The following SLIT3 variants were observed in gnomAD, a reference collection of about 807,000 sequenced individuals.
SLIT3 encodes slit guidance ligand 3, also known as slit homolog 3 protein.
Under a neutral mutation model 184.0 loss-of-function variants are expected in SLIT3, and 68 were observed. The observed-to-expected ratio is 0.37, with a 90% CI of 0.30 to 0.45. The LOEUF (loss-of-function observed/expected upper bound fraction) is 0.45, where lower values mean the gene tolerates loss of function less well. Ranked by LOEUF, SLIT3 falls within the 20% of genes least tolerant of loss-of-function variation. The pLI is 1.00. For missense variants in SLIT3, 1,707 were observed against 2,026.0 expected (o/e 0.84, Z 3.02); for synonymous variants, 831 against 828.6 (o/e 1.00, Z -0.05).
intron 1 of SLIT3, among the ~76,000 whole-genome samples, chr5:169,277,897 C>G (rs1025224051): frequency 6.6e-6 from 1 of 152,204 alleles, no homozygotes; most frequent in African/African-American, 2.4e-5. Context: ...GTTCCAATTT[C>G]CAATTACACT....
At chr5:168,855,868 G>C (rs2113736448) in intron 5 of SLIT3, among the ~76,000 whole-genome samples, 1 of 152,212 alleles carries the variant, frequency 6.6e-6, no homozygotes, top group African/African-American at 2.4e-5. Context: ...GTGATTTTTG[G>C]GAGGCCAAGG....
chr5:168,881,830 C>T (rs537450268), intron 5 of SLIT3, among the ~76,000 whole-genome samples: 17 of 152,252 alleles, frequency 1.1e-4, no homozygotes, highest in Admixed American at 7.8e-4. Context: ...CTGTTTCTTG[C>T]GAGAAGCCTA....
intron 28 of SLIT3, among the ~76,000 whole-genome samples, chr5:168,692,984 G>A (rs112977674): frequency 0.012 from 1,869 of 152,288 alleles, 40 homozygotes; most frequent in African/African-American, 0.043. Flanking sequence ...TCAGGGGCAG[G>A]GGCAGGTGCA....
At chr5:169,048,849 G>T (rs1581350296) in intron 4 of SLIT3, among the ~76,000 whole-genome samples, 2 of 152,146 alleles carry the variant, frequency 1.3e-5, no homozygotes, top group African/African-American at 4.8e-5. Context: ...TGGTTCAGCT[G>T]CTTGGAAAAA....
At chr5:168,870,856 G>A (rs552804099) in intron 5 of SLIT3, among the ~76,000 whole-genome samples, 3 of 152,272 alleles carry the variant, frequency 2.0e-5, no homozygotes, top group African/African-American at 7.2e-5. Flanking sequence ...AGAATACAAG[G>A]TGAAATTCAC....
chr5:169,027,076 G>A (rs1756857967), intron 4 of SLIT3, among the ~76,000 whole-genome samples: 1 of 152,176 alleles, frequency 6.6e-6, no homozygotes, highest in South Asian at 2.1e-4. Context: ...TAGGATGGTG[G>A]TTGAGTAAAA....
At chr5:168,954,142 T>C (rs1278292200) in intron 4 of SLIT3, among the ~76,000 whole-genome samples, 1 of 152,132 alleles carries the variant, frequency 6.6e-6, no homozygotes, top group Non-Finnish European at 1.5e-5. Context: ...GGGGGCAGAA[T>C]GCTTTGGCAC....
Position 168,868,475 on chromosome 5 carries a change from C to T in SLIT3, c.485+14790G>A, listed in dbSNP as rs973717571. Among the ~76,000 whole-genome samples the T allele has an allele frequency of 4.6e-5, 7 of 152,024 alleles. No individual in the cohort carries two copies. The South Asian group carries it at 8.3e-4, about 18-fold the overall frequency. On this transcript the variant is annotated intron_variant, in intron 5 of 35. Coordinates refer to ENST00000519560, the MANE Select transcript of SLIT3 (RefSeq NM_003062.4). Reference sequence around the variant, plus strand: ...CGTTAAAAATTATGGCTTGGCCGGGCGCAGCGGCTCACGCCTGTAATTTCA... The same window carrying T: ...CGTTAAAAATTATGGCTTGGCCGGGTGCAGCGGCTCACGCCTGTAATTTCA...
chr5:169,081,712 C>G (rs1759067688), intron 4 of SLIT3, among the ~76,000 whole-genome samples: 1 of 152,174 alleles, frequency 6.6e-6, no homozygotes, highest in Non-Finnish European at 1.5e-5. Flanking sequence ...GGCAGCAATT[C>G]ACAATGGCAG....
Position 168,666,480 on chromosome 5 carries a change from C to G in SLIT3, c.4546G>C (p.Glu1516Gln), listed in dbSNP as rs768138718. Residue 1516 changes from glutamate to glutamine, a missense_variant, in exon 36 of 36, where the codon GAG becomes CAG. Around this residue, in one of 3 missense-constraint regions of SLIT3, gnomAD observed 387 missense variants for 477.9 expected, o/e 0.81. Coordinates refer to ENST00000519560, the MANE Select transcript of SLIT3 (RefSeq NM_003062.4). ...SFVEEVERHL[E>Q]CGCLACS ...TAGGAACACGCGAGGCAGCCGCACT[C>G]TAAGTGTCTCTCCACCTCTTCTACA... 1 of 1,593,684 alleles carries G rather than the reference C, an allele frequency of 6.3e-7. No individual in the cohort carries two copies. The highest frequency in any genetic ancestry group is 8.6e-7 in the Non-Finnish European group (1 of 1,168,004).
chr5:169,090,803 G>A lies in SLIT3; in HGVS notation c.413+102676C>T, dbSNP rs369489803. 3.3e-4 allele frequency among the ~76,000 whole-genome samples: 50 copies of A among 152,304 alleles called. 1 individual carries two copies. In the East Asian group the frequency reaches 3.7e-3, roughly 11 times the overall value. On this transcript the variant is annotated intron_variant, in intron 4 of 35. Coordinates refer to ENST00000519560, the MANE Select transcript of SLIT3 (RefSeq NM_003062.4). The stretch of plus-strand genomic sequence containing the variant: ...GCAGCTGCTAGAAGCTGGAGGAGAC[G>A]GGGAACAAATTCTCTGCTAGAGCCT...
intron 4 of SLIT3, among the ~76,000 whole-genome samples, chr5:169,101,110 G>T (rs1213622817): frequency 6.6e-6 from 1 of 152,208 alleles, no homozygotes; most frequent in East Asian, 1.9e-4. Context: ...GGAGGCTGAA[G>T]TTAGTGTTTC....
At chr5:168,714,419 C>G (rs368162136) in intron 23 of SLIT3, among the ~76,000 whole-genome samples, 2 of 152,144 alleles carry the variant, frequency 1.3e-5, no homozygotes, top group Admixed American at 6.6e-5. Context: ...CCATTCTCTA[C>G]TAAAAATACA....
intron 5 of SLIT3, chr5:168,844,978 T>A (rs148056491): frequency 3.1e-6 from 1 of 324,822 alleles, no homozygotes; most frequent in East Asian, 5.4e-5. Context: ...GCTCTTACCG[T>A]CATGTCACTG....
At chr5:168,917,230 G>A (rs568720973) in intron 4 of SLIT3, among the ~76,000 whole-genome samples, 9 of 152,352 alleles carry the variant, frequency 5.9e-5, no homozygotes, top group Middle Eastern at 3.4e-3. Flanking sequence ...AAGTGGAGGT[G>A]AGCTTTGGTT....
chr5:168,881,830 C>A (rs537450268), intron 5 of SLIT3, among the ~76,000 whole-genome samples: 1 of 152,134 alleles, frequency 6.6e-6, no homozygotes, highest in East Asian at 1.9e-4. Context: ...CTGTTTCTTG[C>A]GAGAAGCCTA....
At chr5:168,771,461 T>A (rs1581063497) in intron 14 of SLIT3, among the ~76,000 whole-genome samples, 1 of 152,122 alleles carries the variant, frequency 6.6e-6, no homozygotes, top group Admixed American at 6.5e-5. Context: ...GAACTTGGAG[T>A]GCCCCTTCAC....
At chr5:168,830,552 A>G (rs1457999937) in intron 6 of SLIT3, among the ~76,000 whole-genome samples, 1 of 152,218 alleles carries the variant, frequency 6.6e-6, no homozygotes, top group East Asian at 1.9e-4. Context: ...CTTCCAGTAA[A>G]GGTATCTATG....
Position 169,125,366 on chromosome 5 carries a change from C to A in SLIT3, c.413+68113G>T, listed in dbSNP as rs1042613015. Among the ~76,000 whole-genome samples the A allele has an allele frequency of 2.0e-4, 31 of 152,300 alleles. 1 individual carries two copies. Among genetic ancestry groups the A allele is most frequent in the Middle Eastern group, 3.4e-3 (1 of 294 alleles). On this transcript the variant is annotated intron_variant, in intron 4 of 35. Coordinates refer to ENST00000519560, the MANE Select transcript of SLIT3 (RefSeq NM_003062.4). ...CCGGCCGCAATTAGGTTTCTTAATT[C>A]CTGTCTTAGCCACCTGCATGCCATG...
Sources: gnomAD v4.1 joint callset for allele counts (sites outside exome capture counted in the v4.1 genomes callset) on GRCh38, gnomAD v4.1.1 for gene constraint, gnomAD v4.1.1 regional missense constraint, MANE v1.5 for transcripts, NCBI Gene and HGNC (gene_info 2026-07-23, HGNC 2026-07-21) for gene names.